The following RAB28 variants were observed in gnomAD, a reference collection of about 807,000 sequenced individuals.
The protein encoded by RAB28 is RAB28, member RAS oncogene family.
RAB28 carries 24 observed loss-of-function variants against 31.7 expected under a neutral mutation model. The ratio of observed to expected loss-of-function variants is 0.76; its 90% CI spans 0.55 to 1.06. The LOEUF (loss-of-function observed/expected upper bound fraction) is 1.06. RAB28 is among the 50% of genes least tolerant of loss of function. The pLI is 0.00. For missense variants in RAB28, 254 were observed against 258.5 expected (o/e 0.98, Z 0.12); for synonymous variants, 100 against 90.4 (o/e 1.11, Z -0.60).
chr4:13,455,430 C>G (rs1257577487), intron 4 of RAB28, among the ~76,000 whole-genome samples: 1 of 152,184 alleles, frequency 6.6e-6, no homozygotes, highest in African/African-American at 2.4e-5. Flanking sequence ...AGAGTCACAG[C>G]CGATCATGGG....
At chr4:13,405,639 T>C (rs780440519) in intron 4 of RAB28, among the ~76,000 whole-genome samples, 5 of 152,148 alleles carry the variant, frequency 3.3e-5, no homozygotes, top group South Asian at 2.1e-4. Context: ...TCAATAAATA[T>C]TGTAATCATG....
chr4:13,389,599 A>G (rs572701507), intron 4 of RAB28, among the ~76,000 whole-genome samples: 1 of 152,286 alleles, frequency 6.6e-6, no homozygotes, highest in East Asian at 1.9e-4. Context: ...CTTACCCTCA[A>G]CAATTGTCAA....
At chr4:13,370,137 G>C (rs1020684717) in intron 6 of RAB28, 6 of 979,034 alleles carry the variant, frequency 6.1e-6, no homozygotes, top group Non-Finnish European at 7.3e-6. Context: ...ACAAACAGCA[G>C]AATGTACACA....
chr4:13,388,940 A>C (rs887551691), intron 4 of RAB28, among the ~76,000 whole-genome samples: 1 of 152,190 alleles, frequency 6.6e-6, no homozygotes, highest in Non-Finnish European at 1.5e-5. Flanking sequence ...CAGTAATCCA[A>C]CTTCTGGGTA....
At chr4:13,379,065 G>A (rs1316098797) in intron 5 of RAB28, among the ~76,000 whole-genome samples, 1 of 151,426 alleles carries the variant, frequency 6.6e-6, no homozygotes, top group African/African-American at 2.4e-5. Flanking sequence ...AAATTAGCCA[G>A]GCGTGGTGGT....
intron 1 of RAB28, among the ~76,000 whole-genome samples, chr4:13,480,378 A>G (rs1716553517): frequency 6.6e-6 from 1 of 151,892 alleles, no homozygotes; most frequent in South Asian, 2.1e-4. Flanking sequence ...TCCTCCAAAA[A>G]AGAGAAAGGC....
chr4:13,414,338 G>C (rs1577189420), intron 4 of RAB28, among the ~76,000 whole-genome samples: 2 of 152,098 alleles, frequency 1.3e-5, no homozygotes. Context: ...AAGTCATTTG[G>C]CCATGCACCC....
At chr4:13,378,808 G>A (rs533736159) in intron 5 of RAB28, among the ~76,000 whole-genome samples, 1 of 152,248 alleles carries the variant, frequency 6.6e-6, no homozygotes, top group South Asian at 2.1e-4. Flanking sequence ...GCAGTATGTA[G>A]AAGTTGTCTT....
intron 3 of RAB28, among the ~76,000 whole-genome samples, chr4:13,467,354 GAA>G (rs1049617920): frequency 1.3e-5 from 2 of 150,134 alleles, no homozygotes; most frequent in African/African-American, 4.9e-5. Flanking sequence ...CATACAGGAT[GAA>G]AAAAAAGTGA....
chr4:13,419,359 C>T (rs967476859), intron 4 of RAB28, among the ~76,000 whole-genome samples: 7 of 152,084 alleles, frequency 4.6e-5, no homozygotes, highest in East Asian at 1.9e-4. Context: ...AAGGTTAACA[C>T]GGATATCCAA....
Position 13,368,957 on chromosome 4 carries a change from A to G in RAB28, c.574-307T>C, listed in dbSNP as rs1728616028. ...AAAAATTAAACCCTGATAATAATTT[A>G]GAGCAAAATAAATAAATCATTCACA... is the stretch of plus-strand genomic sequence containing the variant. On this transcript the variant is annotated intron_variant, in intron 6 of 6. Transcript: ENST00000330852. Among the ~76,000 whole-genome samples, 4 of 152,180 alleles carry G rather than the reference A, an allele frequency of 2.6e-5. No homozygotes were observed. In the South Asian group the frequency reaches 8.3e-4, roughly 31 times the overall value.
chr4:13,455,561 T>G (rs1332086784), intron 4 of RAB28, among the ~76,000 whole-genome samples: 1 of 152,110 alleles, frequency 6.6e-6, no homozygotes, highest in Non-Finnish European at 1.5e-5. Context: ...GAGTGCACAC[T>G]CCAGAGGTGG....
chr4:13,399,751 C>T lies in RAB28; in HGVS notation c.392-18157G>A, dbSNP rs116007367. Among the ~76,000 whole-genome samples, 695 of 152,112 alleles carry T rather than the reference C, an allele frequency of 4.6e-3. 5 individuals carry two copies. Among genetic ancestry groups the T allele is most frequent in the African/African-American group, 0.016 (662 of 41,492 alleles). ...TTTATGTTTTATGTCCTTTTTTTAACGAACGGCCTTTTTCTTGTAGATTTG... is the reference window on the plus strand; with the variant it reads ...TTTATGTTTTATGTCCTTTTTTTAATGAACGGCCTTTTTCTTGTAGATTTG... On this transcript the variant is annotated intron_variant, in intron 4 of 6. Transcript: ENST00000330852.
intron 4 of RAB28, among the ~76,000 whole-genome samples, chr4:13,421,058 C>T (rs1363747257): frequency 1.3e-5 from 2 of 152,184 alleles, no homozygotes; most frequent in African/African-American, 2.4e-5. Context: ...TCAGCAAAGT[C>T]TCAGGACACA....
chr4:13,390,690 C>T (rs1383799227), intron 4 of RAB28, among the ~76,000 whole-genome samples: 5 of 151,896 alleles, frequency 3.3e-5, no homozygotes, highest in Admixed American at 3.3e-4. Context: ...CAACATGGTA[C>T]TACTACCAAA....
chr4:13,463,874 T>A (rs1425398931), intron 3 of RAB28, among the ~76,000 whole-genome samples: 4 of 152,048 alleles, frequency 2.6e-5, no homozygotes, highest in African/African-American at 7.2e-5. Flanking sequence ...GACCTTCACT[T>A]TCAGCTCTGA....
chr4:13,370,384 C>A, intron 6 of RAB28: 3 of 904,076 alleles, frequency 3.3e-6, no homozygotes, highest in East Asian at 1.2e-4. Flanking sequence ...CATTAACAAG[C>A]TTTACTGAAG....
intron 3 of RAB28, among the ~76,000 whole-genome samples, chr4:13,467,138 T>C (rs1715893050): frequency 6.6e-6 from 1 of 151,914 alleles, no homozygotes; most frequent in Non-Finnish European, 1.5e-5. Context: ...TTATGTATCA[T>C]ACATTTCAAA....
chr4:13,437,912 C>A (rs1475179436), intron 4 of RAB28, among the ~76,000 whole-genome samples: 1 of 152,104 alleles, frequency 6.6e-6, no homozygotes. Context: ...TATCACAATA[C>A]TATTCACAAT....
Sources: allele counts gnomAD v4.1 joint callset (sites outside exome capture counted in the v4.1 genomes callset), GRCh38; gene constraint gnomAD v4.1.1; transcripts MANE v1.5; gene names NCBI Gene and HGNC (gene_info 2026-07-23, HGNC 2026-07-21).